RBFOX1: variants seen among roughly 807,000 people sequenced by gnomAD.
RBFOX1 encodes RNA binding protein fox-1 homolog 1.
A neutral mutation model predicts 57.7 loss-of-function variants in RBFOX1; 8 were observed. The ratio of observed to expected loss-of-function variants is 0.14; its 90% confidence interval spans 0.08 to 0.25. The LOEUF is 0.25. Among genes scored for constraint, RBFOX1 ranks in the 10% least tolerant of loss-of-function variants. The pLI is 1.00. For synonymous variants in RBFOX1, 326 were observed against 222.4 expected, an observed-to-expected ratio of 1.47 and a Z score of -4.15; for missense variants, 611 against 548.5, an observed-to-expected ratio of 1.11 and a Z score of -1.14.
chr16:7,550,738 T>C (rs994744548), intron 5 of RBFOX1, among the ~76,000 whole-genome samples: 5 of 152,128 alleles, frequency 3.3e-5, no homozygotes, highest in Non-Finnish European at 5.9e-5. Flanking sequence ...TTTCAGACAC[T>C]GCCCTGAATT....
chr16:6,467,502 C>G (rs1597661193), intron 2 of RBFOX1, among the ~76,000 whole-genome samples: 1 of 152,060 alleles, frequency 6.6e-6, no homozygotes, highest in South Asian at 2.1e-4. Context: ...TTTATATCCC[C>G]TAGAAGTATA....
At chr16:7,679,127 T>C (rs1230132712) in intron 14 of RBFOX1, among the ~76,000 whole-genome samples, 1 of 152,200 alleles carries the variant, frequency 6.6e-6, no homozygotes, top group Non-Finnish European at 1.5e-5. Context: ...AAGCAATCTT[T>C]AAAGTTGTAT....
intron 3 of RBFOX1, among the ~76,000 whole-genome samples, chr16:6,989,058 C>T (rs185028449): frequency 4.1e-4 from 62 of 152,106 alleles, no homozygotes; most frequent in African/African-American, 1.2e-3. Flanking sequence ...CCACCGCGCC[C>T]GGCTTTTTTG....
At chr16:6,036,879 C>G (rs2095372118) in intron 1 of RBFOX1, among the ~76,000 whole-genome samples, 1 of 152,122 alleles carries the variant, frequency 6.6e-6, no homozygotes, top group African/African-American at 2.4e-5. Flanking sequence ...AAAGTAAGAG[C>G]CCATCTTTTT....
At chr16:6,277,288 C>A (rs2075900922) in intron 1 of RBFOX1, among the ~76,000 whole-genome samples, 1 of 150,774 alleles carries the variant, frequency 6.6e-6, no homozygotes, top group African/African-American at 2.4e-5. Flanking sequence ...TGGTGAAACC[C>A]CATCTCTACC....
intron 3 of RBFOX1, among the ~76,000 whole-genome samples, chr16:5,727,727 CA>C (rs1239440037): frequency 6.6e-6 from 1 of 152,164 alleles, no homozygotes; most frequent in Non-Finnish European, 1.5e-5. Flanking sequence ...CTTACCTTGT[CA>C]CCCAGGTTGA....
chr16:6,993,051 G>A (rs1268123569), intron 3 of RBFOX1, among the ~76,000 whole-genome samples: 2 of 152,128 alleles, frequency 1.3e-5, no homozygotes, highest in East Asian at 1.9e-4. Flanking sequence ...CGCAGCTGGA[G>A]CCTGGTCCTC....
At chr16:5,361,000 C>T (rs989878192) in intron 1 of RBFOX1, among the ~76,000 whole-genome samples, 24 of 152,042 alleles carry the variant, frequency 1.6e-4, no homozygotes, top group African/African-American at 4.6e-4. Flanking sequence ...AGGCTGCACA[C>T]GATGCAGGGA....
At chr16:6,991,636 A>C (rs2091472249) in intron 3 of RBFOX1, among the ~76,000 whole-genome samples, 1 of 152,110 alleles carries the variant, frequency 6.6e-6, no homozygotes, top group African/African-American at 2.4e-5. Context: ...TCCCAGGCTC[A>C]AGCCATCCTC....
rs77093270 is a variant in RBFOX1, at chr16:7,157,553, C to T, written c.27+105455C>T. Among the ~76,000 whole-genome samples, 3 of 152,170 alleles carry T rather than the reference C, an allele frequency of 2.0e-5. No individual in the cohort carries two copies. The East Asian group carries it at 5.8e-4, about 29-fold the overall frequency. ...AGTGAACACCAACCATGGGGCTTTGCATAGCTTAAGTCCAGGCACGTGAAA... is the reference window on the plus strand; with the variant it reads ...AGTGAACACCAACCATGGGGCTTTGTATAGCTTAAGTCCAGGCACGTGAAA... On this transcript the variant is annotated intron_variant, in intron 4 of 15. Coordinates refer to ENST00000550418, the MANE Select transcript of RBFOX1 (RefSeq NM_018723.4).
intron 3 of RBFOX1, among the ~76,000 whole-genome samples, chr16:5,715,539 A>G (rs1478510338): frequency 6.6e-6 from 1 of 152,254 alleles, no homozygotes; most frequent in Non-Finnish European, 1.5e-5. Flanking sequence ...CAGTTGACTG[A>G]TCTCTCTCTT....
chr16:7,153,425 G>C (rs2076466185), intron 4 of RBFOX1, among the ~76,000 whole-genome samples: 1 of 151,972 alleles, frequency 6.6e-6, no homozygotes, highest in African/African-American at 2.4e-5. Context: ...AGGGAGGGAG[G>C]ACATGTATTG....
chr16:7,457,476 C>T (rs2058748637), intron 4 of RBFOX1, among the ~76,000 whole-genome samples: 1 of 152,140 alleles, frequency 6.6e-6, no homozygotes, highest in African/African-American at 2.4e-5. Flanking sequence ...TATAAATATG[C>T]CTTGCCTTGC....
At chr16:6,328,774 C>T (rs1447786374) in intron 2 of RBFOX1, among the ~76,000 whole-genome samples, 3 of 152,052 alleles carry the variant, frequency 2.0e-5, no homozygotes. Flanking sequence ...TAGGGATAAA[C>T]CTTTTACTAT....
At chr16:7,696,479 C>A (rs1474975534) in intron 14 of RBFOX1, among the ~76,000 whole-genome samples, 1 of 148,100 alleles carries the variant, frequency 6.8e-6, no homozygotes, top group Non-Finnish European at 1.5e-5. Flanking sequence ...GTAGTAGTTG[C>A]AGAAGAAGGG....
rs1054652055 is a variant in RBFOX1 at position 7,224,137 on chromosome 16, A to G, written c.27+172039A>G. On this transcript the variant is annotated intron_variant, in intron 4 of 15. Coordinates refer to ENST00000550418, the MANE Select transcript of RBFOX1 (RefSeq NM_018723.4). ...GATTCTTCCTTTTTCTAAAAAAAAA[A>G]AAAAAAAAAAAAAAAAAAAGGCTCA... Among the ~76,000 whole-genome samples, 640 of 147,296 alleles carry G rather than the reference A, an allele frequency of 4.3e-3. 2 individuals are homozygous for G. Among genetic ancestry groups the G allele is most frequent in the African/African-American group, 0.012 (464 of 40,172 alleles).
At chr16:5,724,744 G>A (rs2052072450) in intron 3 of RBFOX1, among the ~76,000 whole-genome samples, 1 of 152,136 alleles carries the variant, frequency 6.6e-6, no homozygotes, top group African/African-American at 2.4e-5. Flanking sequence ...CAAGTTCTGA[G>A]TACCTACCAA....
At chr16:5,420,912 C>T (rs1596984373) in intron 1 of RBFOX1, among the ~76,000 whole-genome samples, 1 of 127,176 alleles carries the variant, frequency 7.9e-6, no homozygotes, top group Non-Finnish European at 1.7e-5. Flanking sequence ...CCTCTGCCTC[C>T]CTCCACCCCT....
At chr16:7,388,454 T>C (rs900106375) in intron 4 of RBFOX1, among the ~76,000 whole-genome samples, 1 of 152,076 alleles carries the variant, frequency 6.6e-6, no homozygotes, top group African/African-American at 2.4e-5. Flanking sequence ...ACAACAAATA[T>C]GGATTTAAAT....
Sources: gnomAD v4.1 joint callset for allele counts (sites outside exome capture counted in the v4.1 genomes callset) on GRCh38, gnomAD v4.1.1 for gene constraint, MANE v1.5 for transcripts, NCBI Gene and HGNC (gene_info 2026-07-23, HGNC 2026-07-21) for gene names.